The following DOCK1 variants were observed in gnomAD, a reference collection of about 807,000 sequenced individuals.
DOCK1 encodes dedicator of cytokinesis protein 1.
A neutral mutation model predicts 262.7 loss-of-function variants in DOCK1; 138 were observed. The observed-to-expected ratio is 0.53, with a 90% CI of 0.46 to 0.61. The LOEUF (loss-of-function observed/expected upper bound fraction) is 0.61, where lower values mean the gene tolerates loss of function less well. Ranked by LOEUF, DOCK1 falls within the 20% of genes least tolerant of loss-of-function variation. DOCK1 has a pLI of 0.00. For missense variants in DOCK1, 1,908 were observed against 2,370.7 expected (o/e 0.80, Z 4.05); for synonymous variants, 866 against 867.4 (o/e 1.00, Z 0.03).
chr10:127,065,005 G>A (rs541655743), intron 23 of DOCK1, among the ~76,000 whole-genome samples: 10 of 152,164 alleles, frequency 6.6e-5, no homozygotes, highest in African/African-American at 1.9e-4. Flanking sequence ...GTCCTTTTGT[G>A]TCTGGCTTTT....
intron 30 of DOCK1, among the ~76,000 whole-genome samples, chr10:127,339,614 A>T (rs28421511): frequency 6.3e-5 from 9 of 143,728 alleles, no homozygotes; most frequent in South Asian, 2.2e-4. Flanking sequence ...AGAGAGAGAG[A>T]GTGTGTGTGT....
chr10:127,075,729 C>T lies in DOCK1; in HGVS notation c.2445+13953C>T, dbSNP rs767539327. Among the ~76,000 whole-genome samples the T allele has an allele frequency of 7.5e-4, 114 of 152,074 alleles. 2 individuals carry two copies. The highest frequency in any genetic ancestry group is 3.2e-3 in the Middle Eastern group (1 of 316). Reference sequence around the variant, plus strand: ...TCATGAGAACTCACTGTCATGAGAACGGCAAGGGGGAGGTCTGCCCCCGTG... The same window carrying T: ...TCATGAGAACTCACTGTCATGAGAATGGCAAGGGGGAGGTCTGCCCCCGTG... On this transcript the variant is annotated intron_variant, in intron 23 of 51. Coordinates refer to ENST00000623213, the MANE Select transcript of DOCK1 (RefSeq NM_001290223.2).
chr10:127,039,784 A>C (rs1260416947), intron 19 of DOCK1, among the ~76,000 whole-genome samples: 1 of 152,154 alleles, frequency 6.6e-6, no homozygotes, highest in Non-Finnish European at 1.5e-5. Context: ...CTGAGTATTG[A>C]TGACTGATAG....
chr10:126,929,366 A>G (rs2034013617), intron 1 of DOCK1, among the ~76,000 whole-genome samples: 1 of 152,128 alleles, frequency 6.6e-6, no homozygotes, highest in South Asian at 2.1e-4. Flanking sequence ...CCCAGGAGAT[A>G]TTATCATTTA....
intron 29 of DOCK1, among the ~76,000 whole-genome samples, chr10:127,276,842 A>G (rs1403065707): frequency 1.3e-5 from 2 of 152,238 alleles, no homozygotes; most frequent in East Asian, 3.8e-4. Flanking sequence ...ATCACATGGT[A>G]AACGTTATGG....
intron 5 of DOCK1, chr10:126,988,211 C>T (rs921227775): frequency 6.6e-6 from 1 of 152,168 alleles, no homozygotes; most frequent in Non-Finnish European, 1.5e-5. Flanking sequence ...TCTTCCATTT[C>T]GTATTCCCTC....
intron 38 of DOCK1, among the ~76,000 whole-genome samples, chr10:127,389,808 G>A (rs1246769504): frequency 1.4e-4 from 22 of 152,136 alleles, no homozygotes; most frequent in Non-Finnish European, 1.0e-4. Context: ...GAGGTCAGGA[G>A]TTTGAGACCA....
chr10:127,366,190 A>ACGAGG (rs1296108865), intron 33 of DOCK1, among the ~76,000 whole-genome samples: 2 of 151,908 alleles, frequency 1.3e-5, no homozygotes, highest in African/African-American at 4.8e-5. Context: ...ACCTCTGCAG[A>ACGAGG]CGAGGGATAG....
At chr10:127,213,865 AG>A (rs1304967857) in intron 27 of DOCK1, among the ~76,000 whole-genome samples, 1 of 152,026 alleles carries the variant, frequency 6.6e-6, no homozygotes, top group East Asian at 1.9e-4. Flanking sequence ...TTTAAGACGG[AG>A]TCTTGCTCTG....
At chr10:127,352,547 C>T (rs370263127) in intron 31 of DOCK1, among the ~76,000 whole-genome samples, 42 of 152,156 alleles carry the variant, frequency 2.8e-4, no homozygotes, top group African/African-American at 9.4e-4. Context: ...GTAACTGAGT[C>T]GGGGGCCAGC....
chr10:127,125,640 C>T, intron 26 of DOCK1, 39 bp downstream of exon 26: 1 of 1,597,126 alleles, frequency 6.3e-7, no homozygotes, highest in African/African-American at 1.3e-5. Flanking sequence ...TGCCATTTGC[C>T]TGAACCTGCC....
Position 127,362,870 on chromosome 10 carries a change from C to T in DOCK1, c.3432+658C>T, listed in dbSNP as rs9418781. Among the ~76,000 whole-genome samples, 543 of 120,910 alleles carry T rather than the reference C, an allele frequency of 4.5e-3. 3 individuals carry two copies. The highest frequency in any genetic ancestry group is 6.1e-3 in the Non-Finnish European group (361 of 58,998). 79.3% of individuals were successfully genotyped at this position (120,910 alleles called of 152,430 possible). ...ACACACACATGTACATCCCCACACACACACATACACATCCCCACACACACA... is the reference window on the plus strand; with the variant it reads ...ACACACACATGTACATCCCCACACATACACATACACATCCCCACACACACA... On this transcript the variant is annotated intron_variant, in intron 33 of 51. Transcript: ENST00000623213.
chr10:127,159,489 C>G (rs1403003968), intron 27 of DOCK1, among the ~76,000 whole-genome samples: 1 of 152,074 alleles, frequency 6.6e-6, no homozygotes, highest in Non-Finnish European at 1.5e-5. Context: ...TATAACATAC[C>G]TGAATTTTTT....
intron 44 of DOCK1, among the ~76,000 whole-genome samples, chr10:127,417,235 C>T (rs2068211616): frequency 6.6e-6 from 1 of 152,182 alleles, no homozygotes; most frequent in Admixed American, 6.5e-5. Context: ...GACATGGTCC[C>T]CGTGGCCCAG....
At chr10:126,950,152 G>A (rs1026466169) in intron 1 of DOCK1, among the ~76,000 whole-genome samples, 6,387 of 152,138 alleles carry the variant, frequency 0.042, 207 homozygotes, top group Non-Finnish European at 0.069. Context: ...TAGTCCACGA[G>A]AAGCAGTCAG....
intron 29 of DOCK1, among the ~76,000 whole-genome samples, chr10:127,330,299 C>T (rs1489026547): frequency 1.9e-4 from 29 of 152,064 alleles, no homozygotes; most frequent in Non-Finnish European, 1.5e-5. Flanking sequence ...CTACTCAGCA[C>T]TGCTAGTGTA....
At chr10:127,329,068 T>C (rs756433644) in intron 29 of DOCK1, among the ~76,000 whole-genome samples, 26 of 152,264 alleles carry the variant, frequency 1.7e-4, no homozygotes, top group South Asian at 4.2e-4. Context: ...TGCTCAGTTA[T>C]CACTACTGTT....
intron 46 of DOCK1, among the ~76,000 whole-genome samples, chr10:127,425,007 A>G (rs1565081865): frequency 6.6e-6 from 1 of 152,258 alleles, no homozygotes; most frequent in Non-Finnish European, 1.5e-5. Context: ...GAATTTGCTC[A>G]CATGAAATTC....
At chr10:127,002,710 C>T (rs1215088462) in intron 10 of DOCK1, among the ~76,000 whole-genome samples, 1 of 152,302 alleles carries the variant, frequency 6.6e-6, no homozygotes, top group Middle Eastern at 3.4e-3. Flanking sequence ...TGAGACACTA[C>T]ATCTGGTCCC....
Sources: allele counts gnomAD v4.1 joint callset (sites outside exome capture counted in the v4.1 genomes callset), GRCh38; gene constraint gnomAD v4.1.1; transcripts MANE v1.5; gene names NCBI Gene and HGNC (gene_info 2026-07-23, HGNC 2026-07-21).